Variants in HIVEP2 observed in about 807,000 individuals in gnomAD.
HIVEP2 encodes the protein HIVEP zinc finger 2, also known as transcription factor HIVEP2.
In HIVEP2, 14 loss-of-function variants were observed where a neutral mutation model predicts 180.7. The observed-to-expected ratio is 0.08, with a 90% CI of 0.05 to 0.12. The LOEUF is 0.12. Among genes scored for constraint, HIVEP2 ranks in the 10% least tolerant of loss-of-function variants. The pLI is 1.00. For synonymous variants in HIVEP2, 1,184 were observed against 1,136.4 expected, an observed-to-expected ratio of 1.04 and a Z score of -0.84; for missense variants, 2,579 against 3,008.5, an observed-to-expected ratio of 0.86 and a Z score of 3.34.
chr6:142,819,551 G>C (rs1582888004), intron 2 of HIVEP2, among the ~76,000 whole-genome samples: 1 of 152,166 alleles, frequency 6.6e-6, no homozygotes, highest in Non-Finnish European at 1.5e-5. Context: ...TCTACTATAA[G>C]GTAACAACTT....
chr6:142,919,559 C>T (rs1053760077), intron 1 of HIVEP2, among the ~76,000 whole-genome samples: 1 of 152,118 alleles, frequency 6.6e-6, no homozygotes, highest in African/African-American at 2.4e-5. Context: ...TAAGGAAACA[C>T]ATGTCACAAT....
At position 142,751,713 on chromosome 6, in the gene HIVEP2, T is replaced by A. The variant is rs1182177459; in HGVS notation, c.*1394A>T. ...ACTAACCAAAAGCCATTGTGAGTATTACATACAACAGACATCCTCCCACGA... is the reference window on the plus strand; with the variant it reads ...ACTAACCAAAAGCCATTGTGAGTATAACATACAACAGACATCCTCCCACGA... On this transcript the variant is annotated 3_prime_UTR_variant, in exon 10 of 10. Transcript: ENST00000367603. 1 of 152,666 alleles carries A rather than the reference T, an allele frequency of 6.6e-6. No individual in the cohort carries two copies. Among genetic ancestry groups the A allele is most frequent in the African/African-American group, 2.4e-5 (1 of 41,448 alleles). 9.5% of individuals were successfully genotyped at this position (152,666 alleles called of 1,614,324 possible). A position where few individuals can be genotyped will look rare whatever the true frequency, so the allele number is the denominator to read the frequency against.
chr6:142,849,099 T>A (rs372844540), intron 1 of HIVEP2, among the ~76,000 whole-genome samples: 112 of 152,372 alleles, frequency 7.4e-4, no homozygotes, highest in African/African-American at 2.6e-3. Flanking sequence ...TCATTTACCA[T>A]GCACCTATCA....
chr6:142,897,881 TCA>T (rs1777038445), intron 1 of HIVEP2, among the ~76,000 whole-genome samples: 1 of 152,240 alleles, frequency 6.6e-6, no homozygotes, highest in Non-Finnish European at 1.5e-5. Flanking sequence ...CTTCTCTGTC[TCA>T]CTCTATAGAT....
At chr6:142,862,753 CATATATTATGTAATATATTATATGTAATT>C (rs1474799819) in intron 1 of HIVEP2, among the ~76,000 whole-genome samples, 1 of 133,636 alleles carries the variant, frequency 7.5e-6, no homozygotes, top group African/African-American at 2.8e-5. Flanking sequence ...TTATACATTA[CATATATTATGTAATATATTATATGTAATT>C]ATATTACATA....
At position 142,934,551 on chromosome 6, in the gene HIVEP2, A is replaced by G. The variant is rs1019375139; in HGVS notation, c.-641+10548T>C. Among the ~76,000 whole-genome samples the G allele has an allele frequency of 2.6e-5, 4 of 152,224 alleles. No individual in the cohort carries two copies. The East Asian group carries it at 7.7e-4, about 29-fold the overall frequency. ...CCAACATAAACTTTGACACATGACT[A>G]CTGACAAGAAAATAAATTGAATGTT... is the stretch of plus-strand genomic sequence containing the variant. On this transcript the variant is annotated intron_variant, in intron 1 of 9. Coordinates refer to ENST00000367603, the MANE Select transcript of HIVEP2 (RefSeq NM_006734.4).
Position 142,768,715 on chromosome 6 carries a change from T to C in HIVEP2, c.5188-179A>G, listed in dbSNP as rs535127910. On this transcript the variant is annotated intron_variant, in intron 5 of 9. Transcript: ENST00000367603. The stretch of plus-strand genomic sequence containing the variant: ...ATCAGATAAGAATGACAGTTTCCAC[T>C]GAATAAATTCAACATTCTGTTACAG... 2.0e-5 allele frequency among the ~76,000 whole-genome samples: 3 copies of C among 152,132 alleles called. No individual in the cohort carries two copies. The South Asian group carries it at 6.2e-4, about 32-fold the overall frequency.
chr6:142,798,450 T>A (rs976309321), intron 2 of HIVEP2, among the ~76,000 whole-genome samples: 7 of 152,140 alleles, frequency 4.6e-5, no homozygotes, highest in African/African-American at 1.7e-4. Flanking sequence ...CTGTCAATAG[T>A]GTCATACAAA....
intron 1 of HIVEP2, among the ~76,000 whole-genome samples, chr6:142,932,489 G>C (rs1029962989): frequency 1.3e-5 from 2 of 152,052 alleles, no homozygotes. Context: ...ACTCAGCCTG[G>C]AGTAAATTTC....
chr6:142,936,444 CG>C (rs1422712512), intron 1 of HIVEP2, among the ~76,000 whole-genome samples: 2 of 151,920 alleles, frequency 1.3e-5, no homozygotes, highest in Non-Finnish European at 1.5e-5. Context: ...CCCACCTCAG[CG>C]TCCCAAAATG....
chr6:142,821,835 G>A (rs551229648), intron 2 of HIVEP2, among the ~76,000 whole-genome samples: 6 of 152,330 alleles, frequency 3.9e-5, no homozygotes, highest in Non-Finnish European at 5.9e-5. Flanking sequence ...AGCTGTCACA[G>A]GACAGCATGC....
At chr6:142,940,773 AG>A (rs1435483917) in intron 1 of HIVEP2, among the ~76,000 whole-genome samples, 1 of 152,258 alleles carries the variant, frequency 6.6e-6, no homozygotes, top group African/African-American at 2.4e-5. Flanking sequence ...CACCAGTCGT[AG>A]TACTCTGAAT....
chr6:142,921,006 C>A (rs920681117), intron 1 of HIVEP2, among the ~76,000 whole-genome samples: 8 of 152,078 alleles, frequency 5.3e-5, no homozygotes, highest in Admixed American at 1.3e-4. Context: ...AAATCCATCT[C>A]TTTTCCCCAA....
At chr6:142,900,437 G>A (rs886876050) in intron 1 of HIVEP2, among the ~76,000 whole-genome samples, 1 of 152,144 alleles carries the variant, frequency 6.6e-6, no homozygotes, top group African/African-American at 2.4e-5. Context: ...TACAAGGCAG[G>A]ACATCAGATG....
At chr6:142,798,489 C>G (rs1240766959) in intron 2 of HIVEP2, among the ~76,000 whole-genome samples, 1 of 152,110 alleles carries the variant, frequency 6.6e-6, no homozygotes, top group African/African-American at 2.4e-5. Context: ...TTGGTTGAAA[C>G]AGGTTTGGTT....
At chr6:142,845,461 TA>T (rs1341443508) in intron 1 of HIVEP2, among the ~76,000 whole-genome samples, 1 of 152,238 alleles carries the variant, frequency 6.6e-6, no homozygotes, top group Admixed American at 6.5e-5. Context: ...GTCTTTTGAC[TA>T]ATTATTAGGC....
rs779494849 is a variant in HIVEP2 at position 142,772,836 on chromosome 6, C to T, written c.1903G>A (p.Gly635Arg). The change falls in exon 5 of 10, where the codon GGG becomes AGG. Residue 635 changes from glycine to arginine, a missense_variant. Physicochemically the swap from Gly to Arg is moderately radical, Grantham distance 125. Transcript: ENST00000367603. The surrounding 1 kb of genome is among the most constrained non-coding windows in gnomAD (Gnocchi z 4.9). ...TTCCGACAGACATCATAGTCATACC[C>T]AACCCTGTCCCCAGGAGACAATTTC... is the stretch of plus-strand genomic sequence containing the variant. ...EKKLSPGDRV[G>R]YDYDVCRKPY... 1.4e-5 allele frequency: 22 copies of T among 1,614,214 alleles called. No homozygotes were observed. The highest frequency in any genetic ancestry group is 1.9e-5 in the Non-Finnish European group (22 of 1,180,044).
intron 2 of HIVEP2, among the ~76,000 whole-genome samples, chr6:142,826,774 C>T (rs1774915307): frequency 6.6e-6 from 1 of 152,042 alleles, no homozygotes; most frequent in South Asian, 2.1e-4. Flanking sequence ...ATATAATACT[C>T]ACCTCATAAA....
In HIVEP2 at chr6:142,772,256, T is replaced by C; in HGVS notation, c.2483A>G (p.Asp828Gly). 2 of 1,614,236 alleles carry C rather than the reference T, an allele frequency of 1.2e-6. No homozygotes were observed. The highest frequency in any genetic ancestry group is 1.7e-6 in the Non-Finnish European group (2 of 1,180,046). Reference protein sequence around the residue: ...ESAELVACTQDKAPSPSETCD... With the variant: ...ESAELVACTQGKAPSPSETCD... ...AGTCTCTGAAGGGGAAGGGGCTTTA[T>C]CCTGTGTGCAAGCCACAAGTTCGGC... is the stretch of plus-strand genomic sequence containing the variant. The change falls in exon 5 of 10, where the codon GAT (aspartate) becomes GGT (glycine). Residue 828 changes from aspartate (D) to glycine (G), a missense_variant. Physicochemically the swap from Asp to Gly is moderately conservative, Grantham distance 94. Around this residue, in one of 11 missense-constraint regions of HIVEP2, gnomAD observed 524 missense variants for 563.6 expected, o/e 0.93. Coordinates refer to ENST00000367603, the MANE Select transcript of HIVEP2 (RefSeq NM_006734.4). The surrounding 1 kb of genome is among the most constrained non-coding windows in gnomAD (Gnocchi z 4.9).
Sources: allele counts gnomAD v4.1 joint callset (sites outside exome capture counted in the v4.1 genomes callset), GRCh38; gene constraint gnomAD v4.1.1; regional missense constraint gnomAD v4.1.1; non-coding constraint Gnocchi (gnomAD v3.1); transcripts MANE v1.5; gene names NCBI Gene and HGNC (gene_info 2026-07-23, HGNC 2026-07-21).